KCMF1: variants seen among roughly 807,000 people sequenced by gnomAD.
The protein encoded by KCMF1 is E3 ubiquitin-protein ligase KCMF1.
In KCMF1, 3 loss-of-function variants were observed where a neutral mutation model predicts 41.1. That is an observed-to-expected ratio of 0.07 (90% confidence interval 0.03 to 0.19). The LOEUF (loss-of-function observed/expected upper bound fraction) is 0.19. Among genes scored for constraint, KCMF1 ranks in the 10% least tolerant of loss-of-function variants. The pLI is 1.00. For synonymous variants in KCMF1, 142 were observed against 164.5 expected (o/e 0.86, Z 1.04); for missense variants, 286 against 488.9 (o/e 0.58, Z 3.91).
intron 3 of KCMF1, 130 bp downstream of exon 3, chr2:85,035,285 TCATCTTTTAACAG>T: frequency 1.1e-6 from 1 of 879,664 alleles, no homozygotes. Context: ...GTTATTAAAA[TCATCTTTTAACAG>T]CAAATTTTAT....
At chr2:85,034,162 G>A (rs543420184) in intron 2 of KCMF1, among the ~76,000 whole-genome samples, 3 of 152,098 alleles carry the variant, frequency 2.0e-5, no homozygotes, top group Admixed American at 6.5e-5. Context: ...CAGCCTGTGC[G>A]ACAGAGTAAG....
intron 1 of KCMF1, among the ~76,000 whole-genome samples, chr2:85,008,478 CAT>C (rs1479028473): frequency 7.7e-6 from 1 of 130,406 alleles, no homozygotes; most frequent in African/African-American, 2.8e-5. Flanking sequence ...ATATATATCT[CAT>C]ATATCTTATA....
chr2:85,002,281 G>T (rs1674354243), intron 1 of KCMF1, among the ~76,000 whole-genome samples: 1 of 152,104 alleles, frequency 6.6e-6, no homozygotes, highest in African/African-American at 2.4e-5. Flanking sequence ...TATGAAATAT[G>T]CAGAAACCCT....
In KCMF1 at chr2:85,027,896, C is replaced by T. The variant is rs778378756; in HGVS notation, c.24C>T (p.Ser8=). The change falls in exon 2 of 7, where the codon AGC becomes AGT. Residue 8 remains serine (S), a synonymous_variant. Coordinates refer to ENST00000409785, the MANE Select transcript of KCMF1 (RefSeq NM_020122.5). ...TATTTCTTTTTTTTATAGGTGTCAG[C>T]TGTGATGCATGTTTAAAAGGAAATT... MSRHEGV[S]CDACLKGNFR... is the part of the protein sequence containing the mutation. 1.9e-6 allele frequency: 3 copies of T among 1,603,814 alleles called. No individual in the cohort carries two copies. Among genetic ancestry groups the T allele is most frequent in the South Asian group, 2.2e-5 (2 of 89,170 alleles).
At chr2:85,028,256 C>A (rs1391879022) in intron 2 of KCMF1, among the ~76,000 whole-genome samples, 200 bp downstream of exon 2, 1 of 152,132 alleles carries the variant, frequency 6.6e-6, no homozygotes, top group Non-Finnish European at 1.5e-5. Context: ...GATCTTGGCT[C>A]ACTGCAACCT....
In KCMF1 at chr2:85,044,919, A is replaced by G. The variant is rs561054272; in HGVS notation, c.427-1185A>G. On this transcript the variant is annotated intron_variant, in intron 4 of 6. Coordinates refer to ENST00000409785, the MANE Select transcript of KCMF1 (RefSeq NM_020122.5). ...CAGAGCGATTAATTTTGTGGACTCA[A>G]TGCTTCTGATTTCAGGTTATGAATT... is the stretch of plus-strand genomic sequence containing the variant. Among the ~76,000 whole-genome samples the G allele has an allele frequency of 8.5e-5, 13 of 152,320 alleles. No individual in the cohort carries two copies. The South Asian group carries it at 1.7e-3, about 19-fold the overall frequency.
chr2:85,010,435 C>T (rs1026746477), intron 1 of KCMF1, among the ~76,000 whole-genome samples: 2 of 152,200 alleles, frequency 1.3e-5, no homozygotes, highest in Non-Finnish European at 2.9e-5. Flanking sequence ...CCTCACTGTA[C>T]TCCAGCCTGG....
intron 1 of KCMF1, among the ~76,000 whole-genome samples, chr2:85,023,287 T>C (rs1574030352): frequency 6.6e-6 from 1 of 150,952 alleles, no homozygotes; most frequent in Non-Finnish European, 1.5e-5. Context: ...CTGTGCATAT[T>C]GAACTGTTGA....
Position 85,046,400 on chromosome 2 carries a change from C to T in KCMF1, c.601+122C>T, listed in dbSNP as rs968562033. 2.4e-5 allele frequency: 16 copies of T among 675,028 alleles called. No homozygotes were observed. The East Asian group carries it at 3.9e-4, about 16-fold the overall frequency. The allele number at this position is 675,028 out of a possible 1,614,324, so 41.8% of individuals were successfully genotyped here. ...ATCCCAGCACTCTGGGAGGCTGGAG[C>T]GGGTGGATCACTTGAGGCCAGGAAT... On this transcript the variant is annotated intron_variant, in intron 5 of 6. Coordinates refer to ENST00000409785, the MANE Select transcript of KCMF1 (RefSeq NM_020122.5).
At chr2:85,014,720 C>CGTGTGT (rs1305233928) in intron 1 of KCMF1, among the ~76,000 whole-genome samples, 1 of 141,760 alleles carries the variant, frequency 7.1e-6, no homozygotes, top group Non-Finnish European at 1.5e-5. Flanking sequence ...TGCGTGCGTG[C>CGTGTGT]GTGCGTGTGT....
intron 1 of KCMF1, among the ~76,000 whole-genome samples, chr2:85,023,611 G>A (rs1009634266): frequency 2.0e-5 from 3 of 152,230 alleles, no homozygotes; most frequent in East Asian, 1.9e-4. Context: ...GTGAGCCACC[G>A]CGCCCAGCCC....
Position 85,021,942 on chromosome 2 carries a change from G to A in KCMF1, c.17-5947G>A, listed in dbSNP as rs577837208. On this transcript the variant is annotated intron_variant, in intron 1 of 6. Transcript: ENST00000409785. ...AGCAATTCTCCTGCCTCAGCCTCCG[G>A]AGTAGCTGGGATTACAGGTGCCTGC... 3.3e-5 allele frequency among the ~76,000 whole-genome samples: 5 copies of A among 151,936 alleles called. No homozygotes were observed. The East Asian group carries it at 9.8e-4, about 30-fold the overall frequency.
intron 2 of KCMF1, among the ~76,000 whole-genome samples, chr2:85,034,580 A>G (rs559688627): frequency 8.5e-5 from 13 of 152,350 alleles, no homozygotes; most frequent in African/African-American, 2.9e-4. Flanking sequence ...TGGAGTCCTC[A>G]TGGGAATAAG....
chr2:85,051,250 C>G (rs945344708), intron 6 of KCMF1, among the ~76,000 whole-genome samples: 1 of 152,192 alleles, frequency 6.6e-6, no homozygotes, highest in Non-Finnish European at 1.5e-5. Context: ...TACCTGCTGC[C>G]ATGTAGCCTT....
intron 3 of KCMF1, among the ~76,000 whole-genome samples, chr2:85,037,992 T>G (rs1675443042): frequency 6.6e-6 from 1 of 152,246 alleles, no homozygotes; most frequent in South Asian, 2.1e-4. Context: ...GTAGCTAAAT[T>G]ATATTAATAC....
At chr2:85,008,805 A>G (rs1674584566) in intron 1 of KCMF1, among the ~76,000 whole-genome samples, 1 of 146,784 alleles carries the variant, frequency 6.8e-6, no homozygotes, top group Non-Finnish European at 1.5e-5. Flanking sequence ...TGCTTTGTCT[A>G]CCAGGCTGGA....
In KCMF1 at chr2:84,971,375, C is replaced by G; in HGVS notation, c.-77C>G. 1 of 987,128 alleles carries G rather than the reference C, an allele frequency of 1.0e-6. No homozygotes were observed. Among genetic ancestry groups the G allele is most frequent in the Non-Finnish European group, 1.2e-6 (1 of 809,760 alleles). The allele number at this position is 987,128 out of a possible 1,614,324, so 61.1% of individuals were successfully genotyped here. ...TCGAGTGGGAGTCGGCCGGCCGGCG[C>G]GGGCAGCGCCGGGACCCCGCGGGGG... On this transcript the variant is annotated 5_prime_UTR_variant, in exon 1 of 7. Transcript: ENST00000409785.
At chr2:85,031,475 A>G (rs1675265565) in intron 2 of KCMF1, among the ~76,000 whole-genome samples, 1 of 152,174 alleles carries the variant, frequency 6.6e-6, no homozygotes, top group South Asian at 2.1e-4. Context: ...AGGACATACA[A>G]CCATGCTGTT....
At chr2:85,019,754 G>A (rs1160159571) in intron 1 of KCMF1, among the ~76,000 whole-genome samples, 14 of 150,724 alleles carry the variant, frequency 9.3e-5, no homozygotes, top group Non-Finnish European at 1.9e-4. Flanking sequence ...ATGTATATAT[G>A]TGTGTGTATA....
Sources: gnomAD v4.1 joint callset for allele counts (sites outside exome capture counted in the v4.1 genomes callset) on GRCh38, gnomAD v4.1.1 for gene constraint, MANE v1.5 for transcripts, NCBI Gene and HGNC (gene_info 2026-07-23, HGNC 2026-07-21) for gene names.